SLC43A3: variants seen among roughly 807,000 people sequenced by gnomAD.
SLC43A3 encodes equilibrative nucleobase transporter 1.
A neutral mutation model predicts 53.3 loss-of-function variants in SLC43A3; 33 were observed. The ratio of observed to expected loss-of-function variants is 0.62; its 90% CI spans 0.47 to 0.83. The LOEUF is 0.83. Among genes scored for constraint, SLC43A3 ranks in the 40% least tolerant of loss-of-function variants. The probability of loss-of-function intolerance (pLI) is 0.00; values close to 1 mark genes in which losing one functional copy is unlikely to be tolerated. For missense variants in SLC43A3, 530 were observed against 610.0 expected (o/e 0.87, Z 1.38); for synonymous variants, 236 against 246.2 (o/e 0.96, Z 0.39).
At chr11:57,410,268 C>T (rs1942392038) in intron 11 of SLC43A3, 147 bp from the exon 12 acceptor site, 1 of 605,826 alleles carries the variant, frequency 1.7e-6, no homozygotes, top group Non-Finnish European at 2.9e-6. Flanking sequence ...GAATCCTTTC[C>T]CCACATGCCC....
At chr11:57,424,994 C>A (rs376188081) in intron 4 of SLC43A3, among the ~76,000 whole-genome samples, 1 of 152,204 alleles carries the variant, frequency 6.6e-6, no homozygotes, top group South Asian at 2.1e-4. Context: ...GAAACCCCCC[C>A]AGTCTCCCCT....
intron 7 of SLC43A3, among the ~76,000 whole-genome samples, chr11:57,418,378 T>C (rs1942821511): frequency 6.6e-6 from 1 of 151,728 alleles, no homozygotes; most frequent in South Asian, 2.1e-4. Context: ...TGACACATGC[T>C]GCAACATGGA....
Position 57,409,226 on chromosome 11 carries a change from C to G in SLC43A3, c.1320G>C (p.Gln440His). The G allele has an allele frequency of 6.2e-7, 1 of 1,614,210 alleles. No individual in the cohort carries two copies. Among genetic ancestry groups the G allele is most frequent in the Non-Finnish European group, 8.5e-7 (1 of 1,180,016 alleles). The stretch of plus-strand genomic sequence containing the variant: ...CTTTGATGAGGGTGAAGATGGGGAA[C>G]TGGAGCAGAGACACCACAGCCGACA... ...MALSAVVSLL[Q>H]FPIFTLIKGS... is the part of the protein sequence containing the mutation. The change falls in exon 13 of 14, where the codon CAG becomes CAC. Residue 440 changes from glutamine to histidine, a missense_variant. Coordinates refer to ENST00000395124, the MANE Select transcript of SLC43A3 (RefSeq NM_199329.3).
chr11:57,411,413 A>C (rs1420014366), intron 11 of SLC43A3, among the ~76,000 whole-genome samples: 1 of 144,966 alleles, frequency 6.9e-6, no homozygotes, highest in Non-Finnish European at 1.5e-5. Flanking sequence ...CCAGGGCAAG[A>C]GGATTGCTTG....
intron 13 of SLC43A3, 195 bp from the exon 14 acceptor site, chr11:57,408,091 G>C (rs191670789): frequency 1.8e-6 from 1 of 541,096 alleles, no homozygotes; most frequent in Non-Finnish European, 3.3e-6. Context: ...CTGCACTATC[G>C]GTTGGGGTAG....
rs561344927 is a variant in SLC43A3, at chr11:57,413,144, T to C, written c.1060+1471A>G. Among the ~76,000 whole-genome samples the C allele has an allele frequency of 4.6e-5, 7 of 150,940 alleles. No homozygotes were observed. In the South Asian group the frequency reaches 1.3e-3, roughly 27 times the overall value. On this transcript the variant is annotated intron_variant, in intron 11 of 13. Coordinates refer to ENST00000395124, the MANE Select transcript of SLC43A3 (RefSeq NM_199329.3). Reference sequence around the variant, plus strand: ...TACAGGAAATACCCAAGGAAAGGAATACTTTTAAATGACACATTAAAACAA... The same window carrying C: ...TACAGGAAATACCCAAGGAAAGGAACACTTTTAAATGACACATTAAAACAA...
chr11:57,413,878 G>A (rs920578819), intron 11 of SLC43A3, among the ~76,000 whole-genome samples: 1 of 152,078 alleles, frequency 6.6e-6, no homozygotes, highest in South Asian at 2.1e-4. Context: ...CCAAGGCCCC[G>A]CCTCTTCATC....
rs1449602483 is a variant in SLC43A3, at chr11:57,425,642, T to C, written c.213A>G (p.Ser71=). 2 of 1,613,854 alleles carry C rather than the reference T, an allele frequency of 1.2e-6. No homozygotes were observed. The highest frequency in any genetic ancestry group is 1.1e-5 in the South Asian group (1 of 91,070). Residue 71 remains serine, a synonymous_variant, in exon 4 of 14, where the codon TCA becomes TCG. Transcript: ENST00000395124. ...ADCKAQDERF[S]LIFTLGSFMN... ...TGAAGGACCCCAGGGTGAAGATGAG[T>C]GAGAACCTCTCATCCTGGGCTTTGC...
At chr11:57,416,913 G>A (rs910306614) in intron 8 of SLC43A3, among the ~76,000 whole-genome samples, 9 of 152,176 alleles carry the variant, frequency 5.9e-5, no homozygotes, top group Non-Finnish European at 1.2e-4. Context: ...CAAAGTTTAG[G>A]AAGCATGAAA....
In SLC43A3 at chr11:57,424,734, C is replaced by T. The variant is rs1488717984; in HGVS notation, c.315-706G>A. On this transcript the variant is annotated intron_variant, in intron 4 of 13. Coordinates refer to ENST00000395124, the MANE Select transcript of SLC43A3 (RefSeq NM_199329.3). ...GACTGAGGTACAGTCATTCTGCATC[C>T]AAAGGCTTAAATTGTAAGGGACTGG... 2.0e-5 allele frequency among the ~76,000 whole-genome samples: 3 copies of T among 152,160 alleles called. No individual in the cohort carries two copies. In the East Asian group the frequency reaches 5.8e-4, roughly 29 times the overall value.
intron 10 of SLC43A3, 96 bp from the exon 11 acceptor site, chr11:57,414,827 C>T (rs986978665): frequency 2.0e-6 from 3 of 1,530,830 alleles, no homozygotes; most frequent in Admixed American, 3.3e-5. Context: ...CATGTCCCTC[C>T]TCCCCACACC....
intron 4 of SLC43A3, among the ~76,000 whole-genome samples, chr11:57,424,884 C>T (rs549619331): frequency 2.0e-5 from 3 of 152,298 alleles, no homozygotes; most frequent in Admixed American, 6.5e-5. Context: ...CCCAGCAGGC[C>T]GCTGATTACC....
rs1268232515 is a variant in SLC43A3, at chr11:57,407,772, G to A, written c.*20C>T. 6.5e-7 allele frequency: 1 copy of A among 1,527,240 alleles called. No individual in the cohort carries two copies. Among genetic ancestry groups the A allele is most frequent in the Non-Finnish European group, 9.1e-7 (1 of 1,101,856 alleles). The allele number at this position is 1,527,240 out of a possible 1,614,324, so 94.6% of individuals were successfully genotyped here. ...GATGAACAAAACCATCCTCGGGGCT[G>A]AAAAGTGAGGGCTTCTGAACTATGC... On this transcript the variant is annotated 3_prime_UTR_variant, in exon 14 of 14. Coordinates refer to ENST00000395124, the MANE Select transcript of SLC43A3 (RefSeq NM_199329.3).
intron 5 of SLC43A3, among the ~76,000 whole-genome samples, chr11:57,423,042 G>T (rs1021598831): frequency 1.1e-4 from 16 of 152,148 alleles, no homozygotes; most frequent in African/African-American, 3.4e-4. Context: ...AATATTGGGA[G>T]GCATCTCGTG....
Position 57,426,211 on chromosome 11 carries a change from C to G in SLC43A3, c.-39G>C. 1 of 1,598,224 alleles carries G rather than the reference C, an allele frequency of 6.3e-7. No individual in the cohort carries two copies. Among genetic ancestry groups the G allele is most frequent in the Non-Finnish European group, 8.6e-7 (1 of 1,168,562 alleles). ...GTGGATCTTCAAATCCCACTTTGTC[C>G]TCCTGGACGGATCACAGGCGCCGTA... On this transcript the variant is annotated 5_prime_UTR_variant, in exon 3 of 14. Coordinates refer to ENST00000395124, the MANE Select transcript of SLC43A3 (RefSeq NM_199329.3).
rs1943169688 is a variant in SLC43A3 at position 57,425,437 on chromosome 11, G to A, written c.314+104C>T. 16 of 1,236,606 alleles carry A rather than the reference G, an allele frequency of 1.3e-5. No individual in the cohort carries two copies. In the South Asian group the frequency reaches 1.6e-4, roughly 13 times the overall value. 76.6% of individuals were successfully genotyped at this position (1,236,606 alleles called of 1,614,324 possible). A position where few individuals can be genotyped will look rare whatever the true frequency, so the allele number is the denominator to read the frequency against. ...GAGCGAGCTGCAGGTGTGGTGCCTG[G>A]CAGGGTGGCCGGGCTGTCTGACTCT... On this transcript the variant is annotated intron_variant, in intron 4 of 13. Coordinates refer to ENST00000395124, the MANE Select transcript of SLC43A3 (RefSeq NM_199329.3).
At chr11:57,421,412 G>A (rs1942983989) in intron 5 of SLC43A3, 39 bp from the exon 6 acceptor site, 6 of 1,508,358 alleles carry the variant, frequency 4.0e-6, no homozygotes, top group Middle Eastern at 1.7e-4. Context: ...GTGTCATAGT[G>A]CAACCCAAAC....
rs546044783 is a variant in SLC43A3, at chr11:57,413,479, C to T, written c.1060+1136G>A. 1.0e-3 allele frequency among the ~76,000 whole-genome samples: 155 copies of T among 152,144 alleles called. 1 individual carries two copies. Among genetic ancestry groups the T allele is most frequent in the African/African-American group, 3.4e-3 (143 of 41,494 alleles). On this transcript the variant is annotated intron_variant, in intron 11 of 13. Transcript: ENST00000395124. Reference sequence around the variant, plus strand: ...GCCTTATTTGTTAGAGATACATGTACGGGTATAGAGAAATATTTACGGATG... The same window carrying T: ...GCCTTATTTGTTAGAGATACATGTATGGGTATAGAGAAATATTTACGGATG...
At chr11:57,414,235 G>A (rs1942611955) in intron 11 of SLC43A3, among the ~76,000 whole-genome samples, 3 of 152,204 alleles carry the variant, frequency 2.0e-5, no homozygotes, top group Admixed American at 2.0e-4. Flanking sequence ...AGAAGACCAG[G>A]CATGGTGCTT....
Sources: gnomAD v4.1 joint callset for allele counts (sites outside exome capture counted in the v4.1 genomes callset) on GRCh38, gnomAD v4.1.1 for gene constraint, MANE v1.5 for transcripts, NCBI Gene and HGNC (gene_info 2026-07-23, HGNC 2026-07-21) for gene names.